The following RGL1 variants were observed in gnomAD, a reference collection of about 807,000 sequenced individuals.
RGL1 encodes the protein ral guanine nucleotide dissociation stimulator-like 1.
A neutral mutation model predicts 95.2 loss-of-function variants in RGL1; 24 were observed. The ratio of observed to expected loss-of-function variants is 0.25; its 90% CI spans 0.18 to 0.35. The LOEUF is 0.35. Ranked by LOEUF, RGL1 falls within the 10% of genes least tolerant of loss-of-function variation. The pLI is 1.00. For synonymous variants in RGL1, 329 were observed against 344.9 expected (o/e 0.95, Z 0.51); for missense variants, 715 against 936.3 (o/e 0.76, Z 3.08).
chr1:183,685,008 A>C (rs1346747463), intron 1 of RGL1, among the ~76,000 whole-genome samples: 3 of 152,226 alleles, frequency 2.0e-5, no homozygotes, highest in African/African-American at 7.2e-5. Context: ...TCTTGCTGGA[A>C]GCTACAGACC....
At chr1:183,797,572 T>A (rs1054750840) in intron 2 of RGL1, among the ~76,000 whole-genome samples, 1 of 152,212 alleles carries the variant, frequency 6.6e-6, no homozygotes, top group Non-Finnish European at 1.5e-5. Context: ...AATTTTTCAC[T>A]CATACCTTAT....
rs1666795491 is a variant in RGL1 at position 183,881,014 on chromosome 1, C to T, written c.610+214C>T. On this transcript the variant is annotated intron_variant, in intron 5 of 17. Transcript: ENST00000360851. ...TAGACAGAGAAGGGTATTTTCAAGA[C>T]TACCTAATCTGGCTCCCTCATTTTA... 2.0e-5 allele frequency among the ~76,000 whole-genome samples: 3 copies of T among 152,140 alleles called. No individual in the cohort carries two copies. In the South Asian group the frequency reaches 6.2e-4, roughly 32 times the overall value.
chr1:183,656,168 C>G (rs1651151425), intron 1 of RGL1, among the ~76,000 whole-genome samples: 1 of 149,922 alleles, frequency 6.7e-6, no homozygotes. Context: ...CCCCTTGGCT[C>G]TCTAACTCTT....
upstream of RGL1, among the ~76,000 whole-genome samples, chr1:183,801,143 T>TTTTGTGTGTG (rs1660964261): frequency 7.7e-6 from 1 of 129,888 alleles, no homozygotes; most frequent in African/African-American, 2.6e-5. Flanking sequence ...ACTTGTTATT[T>TTTTGTGTGTG]TGTGTGTGTG....
intron 1 of RGL1, among the ~76,000 whole-genome samples, chr1:183,649,679 A>G (rs1264803560): frequency 6.6e-6 from 1 of 152,238 alleles, no homozygotes. Context: ...GAAAGCAAAT[A>G]TGGTTCTTTA....
chr1:183,900,308 C>A, intron 11 of RGL1, 72 bp downstream of exon 11: 1 of 1,210,958 alleles, frequency 8.3e-7, no homozygotes, highest in Non-Finnish European at 1.2e-6. Flanking sequence ...TAGTTAACTT[C>A]TCTTAGTATC....
intron 1 of RGL1, among the ~76,000 whole-genome samples, chr1:183,656,496 G>T (rs12045516): frequency 0.069 from 10,473 of 152,262 alleles, 627 homozygotes; most frequent in African/African-American, 0.16. Context: ...TTGGCCAAAG[G>T]CAGCCAACTG....
intron 1 of RGL1, among the ~76,000 whole-genome samples, chr1:183,639,310 T>A (rs542432113): frequency 6.6e-6 from 1 of 151,170 alleles, no homozygotes; most frequent in Non-Finnish European, 1.5e-5. Context: ...AAAAAAGACG[T>A]TGAATCCTGC....
At chr1:183,795,049 T>C (rs551602778) in intron 2 of RGL1, among the ~76,000 whole-genome samples, 2 of 152,362 alleles carry the variant, frequency 1.3e-5, no homozygotes, top group South Asian at 2.1e-4. Context: ...GATTTTGTTT[T>C]TTTGAGACAG....
intron 16 of RGL1, among the ~76,000 whole-genome samples, chr1:183,920,103 C>T (rs1210698374): frequency 6.6e-6 from 1 of 151,808 alleles, no homozygotes; most frequent in Non-Finnish European, 1.5e-5. Context: ...GGCACGATCT[C>T]AGCTCACTGC....
At chr1:183,901,915 TAGA>T (rs1448052707) in intron 11 of RGL1, among the ~76,000 whole-genome samples, 4 of 152,220 alleles carry the variant, frequency 2.6e-5, no homozygotes, top group African/African-American at 9.7e-5. Context: ...GTATCTTAAT[TAGA>T]AGAAGTAGAA....
chr1:183,696,288 G>A (rs1454216073), intron 1 of RGL1, among the ~76,000 whole-genome samples: 5 of 152,156 alleles, frequency 3.3e-5, no homozygotes, highest in African/African-American at 9.6e-5. Context: ...CTGTGCCCCC[G>A]TCATTGTCCT....
At position 183,897,912 on chromosome 1, in the gene RGL1, C is replaced by CG; in HGVS notation, c.1230+16dup. ...AGAAGGACATGGTATGTCTGGCCCTCGTCTTCCCTGACAGCTCACAGAGGA... is the reference window on the plus strand; with the variant it reads ...AGAAGGACATGGTATGTCTGGCCCTCGGTCTTCCCTGACAGCTCACAGAGGA... On this transcript the variant is annotated intron_variant, in intron 10 of 17. Coordinates refer to ENST00000360851, the MANE Select transcript of RGL1 (RefSeq NM_001297671.3). 3 of 1,608,222 alleles carry CG rather than the reference C, an allele frequency of 1.9e-6. No homozygotes were observed. Among genetic ancestry groups the CG allele is most frequent in the South Asian group, 1.1e-5 (1 of 90,884 alleles).
At chr1:183,912,370 T>G in intron 15 of RGL1, 102 bp downstream of exon 15, 1 of 967,490 alleles carries the variant, frequency 1.0e-6, no homozygotes. Flanking sequence ...CACTCTATAG[T>G]ATTTTGAAAG....
chr1:183,685,724 A>G (rs1264591872), intron 1 of RGL1, among the ~76,000 whole-genome samples: 2 of 152,214 alleles, frequency 1.3e-5, no homozygotes, highest in African/African-American at 4.8e-5. Context: ...ATATGATCAG[A>G]TAATAATCCT....
chr1:183,662,953 C>A (rs1164664213), intron 1 of RGL1, among the ~76,000 whole-genome samples: 1 of 152,104 alleles, frequency 6.6e-6, no homozygotes, highest in South Asian at 2.1e-4. Context: ...GAAAAATAAG[C>A]AATGGGGAAA....
chr1:183,921,663 T>C, intron 16 of RGL1, among the ~76,000 whole-genome samples: 1 of 152,226 alleles, frequency 6.6e-6, no homozygotes, highest in East Asian at 1.9e-4. Context: ...TTTTAGCTAT[T>C]GTGAATAAAT....
At chr1:183,672,208 C>T (rs796264420) in intron 1 of RGL1, among the ~76,000 whole-genome samples, 3 of 152,262 alleles carry the variant, frequency 2.0e-5, no homozygotes, top group African/African-American at 7.2e-5. Context: ...GCTGGGATTA[C>T]AAGCATGAGC....
intron 1 of RGL1, among the ~76,000 whole-genome samples, chr1:183,660,125 G>A (rs541846178): frequency 0.013 from 1,975 of 152,210 alleles, 52 homozygotes; most frequent in African/African-American, 0.046. Context: ...AAAGACCATC[G>A]AGGCTAGGAA....
Sources: allele counts gnomAD v4.1 joint callset (sites outside exome capture counted in the v4.1 genomes callset), GRCh38; gene constraint gnomAD v4.1.1; transcripts MANE v1.5; gene names NCBI Gene and HGNC (gene_info 2026-07-23, HGNC 2026-07-21).